RIC3: variants seen among roughly 807,000 people sequenced by gnomAD.
The protein encoded by RIC3 is protein RIC-3.
Under a neutral mutation model 27.3 loss-of-function variants are expected in RIC3, and 28 were observed. The observed-to-expected ratio is 1.02, with a 90% CI of 0.76 to 1.41. RIC3 has a LOEUF of 1.41. RIC3 is among the 40% of genes most tolerant of loss of function. RIC3 has a pLI of 0.00. For missense variants in RIC3, 501 were observed against 444.7 expected (o/e 1.13, Z -1.14); for synonymous variants, 184 against 160.4 (o/e 1.15, Z -1.11).
chr11:8,152,435 A>G (rs1405819407), intron 1 of RIC3, among the ~76,000 whole-genome samples: 1 of 152,254 alleles, frequency 6.6e-6, no homozygotes, highest in Non-Finnish European at 1.5e-5. Flanking sequence ...ATGAACTCCG[A>G]AAATATTATA....
intron 5 of RIC3, among the ~76,000 whole-genome samples, chr11:8,118,458 C>T (rs1215112251): frequency 7.0e-6 from 1 of 143,594 alleles, no homozygotes; most frequent in African/African-American, 2.6e-5. Flanking sequence ...TAAAACCTAG[C>T]CAGGCTTCAA....
chr11:8,111,789 ATGAG>A (rs1945291023), intron 5 of RIC3, among the ~76,000 whole-genome samples: 1 of 152,244 alleles, frequency 6.6e-6, no homozygotes, highest in Non-Finnish European at 1.5e-5. Context: ...GGCAAACAAA[ATGAG>A]TAACACTGGT....
At chr11:8,124,655 T>C (rs1488127783) in intron 5 of RIC3, among the ~76,000 whole-genome samples, 3 of 152,070 alleles carry the variant, frequency 2.0e-5, no homozygotes, top group African/African-American at 7.2e-5. Flanking sequence ...ATAAGGACCG[T>C]GTGCTATTGG....
intron 5 of RIC3, among the ~76,000 whole-genome samples, chr11:8,115,082 G>C (rs1945699280): frequency 6.6e-6 from 1 of 151,956 alleles, no homozygotes; most frequent in African/African-American, 2.4e-5. Context: ...AAATATCTGG[G>C]TACAAGAAGG....
intron 2 of RIC3, 113 bp from the exon 3 acceptor site, chr11:8,138,460 TA>T (rs1826609157): frequency 3.4e-6 from 2 of 591,908 alleles, no homozygotes; most frequent in Non-Finnish European, 5.9e-6. Context: ...GGTCAGAAAT[TA>T]AATCAAATAG....
At chr11:8,151,240 T>C (rs1413136442) in intron 1 of RIC3, among the ~76,000 whole-genome samples, 2 of 152,112 alleles carry the variant, frequency 1.3e-5, no homozygotes, top group African/African-American at 2.4e-5. Context: ...TAATCATGTA[T>C]CTGAAAAGGG....
Position 8,110,417 on chromosome 11 carries a change from C to G in RIC3, c.*281G>C. The G allele has an allele frequency of 2.0e-6, 1 of 506,180 alleles. No homozygotes were observed. The highest frequency in any genetic ancestry group is 3.6e-6 in the Non-Finnish European group (1 of 277,058). The allele number at this position is 506,180 out of a possible 1,614,324, so 31.4% of individuals were successfully genotyped here. On this transcript the variant is annotated 3_prime_UTR_variant, in exon 6 of 6. Coordinates refer to ENST00000309737, the MANE Select transcript of RIC3 (RefSeq NM_001206671.4). ...CCCTGAGTGGTCCCATCTGTAATTA[C>G]AATAGACCAAACATAATTACTTAAT...
In RIC3 at chr11:8,169,025, C is replaced by A; in HGVS notation, c.-36G>T. 6.6e-7 allele frequency: 1 copy of A among 1,511,742 alleles called. No individual in the cohort carries two copies. The highest frequency in any genetic ancestry group is 2.7e-5 in the East Asian group (1 of 37,176). 93.6% of individuals were successfully genotyped at this position (1,511,742 alleles called of 1,614,324 possible). On this transcript the variant is annotated 5_prime_UTR_variant, in exon 1 of 6. Transcript: ENST00000309737. ...GGTGGTCGCAGGTGCAGACGCCAGC[C>A]GGAACCGGAACCGGAACCGGAGCAC...
chr11:8,161,681 G>T (rs1336386795), intron 1 of RIC3, among the ~76,000 whole-genome samples: 4 of 152,198 alleles, frequency 2.6e-5, no homozygotes, highest in Non-Finnish European at 5.9e-5. Flanking sequence ...TGGGAGTGAG[G>T]CTGGAAGGTG....
In RIC3 at chr11:8,115,502, C is replaced by CAT. The variant is rs141974976; in HGVS notation, c.671-4367_671-4366dup. ...GACACTATTCAGTAACACAAATATA[C>CAT]ATATATATATATATGAAAGTATAGG... On this transcript the variant is annotated intron_variant, in intron 5 of 5. Coordinates refer to ENST00000309737, the MANE Select transcript of RIC3 (RefSeq NM_001206671.4). 7.7e-3 allele frequency among the ~76,000 whole-genome samples: 1,166 copies of CAT among 150,964 alleles called. 11 individuals are homozygous for CAT. The highest frequency in any genetic ancestry group is 0.024 in the African/African-American group (998 of 41,180).
Position 8,123,100 on chromosome 11 carries a change from A to G in RIC3, c.670+3559T>C, listed in dbSNP as rs1946638434. 2.0e-5 allele frequency among the ~76,000 whole-genome samples: 3 copies of G among 152,224 alleles called. 1 individual carries two copies. The South Asian group carries it at 6.2e-4, about 32-fold the overall frequency. On this transcript the variant is annotated intron_variant, in intron 5 of 5. Coordinates refer to ENST00000309737, the MANE Select transcript of RIC3 (RefSeq NM_001206671.4). ...AATGTCTGAAATTAAAAAACACTGA[A>G]TAAGATTAACAGTGGGTTAGATACA...
chr11:8,162,632 T>C (rs909576128), intron 1 of RIC3, among the ~76,000 whole-genome samples: 19 of 116,610 alleles, frequency 1.6e-4, no homozygotes, highest in Non-Finnish European at 2.5e-4. Flanking sequence ...GCTTCTTCTT[T>C]TTTTTTTTTT....
chr11:8,129,156 C>A (rs1565012552), intron 4 of RIC3, among the ~76,000 whole-genome samples: 1 of 151,800 alleles, frequency 6.6e-6, no homozygotes, highest in Non-Finnish European at 1.5e-5. Flanking sequence ...CCATCCTCTG[C>A]TTGAAACCTC....
chr11:8,112,344 A>C (rs1945375057), intron 5 of RIC3, among the ~76,000 whole-genome samples: 2 of 146,158 alleles, frequency 1.4e-5, no homozygotes, highest in South Asian at 4.3e-4. Flanking sequence ...CCCAGGCTGG[A>C]GTGCAGTGGT....
chr11:8,159,420 C>T (rs2134249932), intron 1 of RIC3, among the ~76,000 whole-genome samples: 1 of 152,202 alleles, frequency 6.6e-6, no homozygotes, highest in East Asian at 1.9e-4. Context: ...ATCTTTTCAT[C>T]TAAGCCAGGA....
chr11:8,112,586 C>T (rs982107348), intron 5 of RIC3, among the ~76,000 whole-genome samples: 11 of 152,146 alleles, frequency 7.2e-5, no homozygotes, highest in Non-Finnish European at 1.0e-4. Flanking sequence ...TGAGCCACCG[C>T]GCCCGGCCAA....
chr11:8,122,774 C>A (rs1946594343), intron 5 of RIC3, among the ~76,000 whole-genome samples: 1 of 144,624 alleles, frequency 6.9e-6, no homozygotes, highest in Non-Finnish European at 1.5e-5. Context: ...CTAATAAATC[C>A]AACACTATTT....
intron 1 of RIC3, among the ~76,000 whole-genome samples, chr11:8,145,540 C>T (rs952596507): frequency 9.2e-5 from 14 of 152,204 alleles, no homozygotes; most frequent in African/African-American, 2.9e-4. Flanking sequence ...CATCTCTTTC[C>T]AATCAGCTAT....
downstream of RIC3, chr11:8,101,133 G>C (rs1944281156): frequency 9.1e-7 from 1 of 1,096,138 alleles, no homozygotes; most frequent in Non-Finnish European, 1.3e-6. Context: ...TAGATGTATG[G>C]AACTTTCTAA....
Sources: allele counts gnomAD v4.1 joint callset (sites outside exome capture counted in the v4.1 genomes callset), GRCh38; gene constraint gnomAD v4.1.1; transcripts MANE v1.5; gene names NCBI Gene and HGNC (gene_info 2026-07-23, HGNC 2026-07-21).